Variants in IQCK observed in about 807,000 individuals in gnomAD.
IQCK encodes IQ motif containing K.
A neutral mutation model predicts 28.1 loss-of-function variants in IQCK; 29 were observed. The observed-to-expected ratio is 1.03, with a 90% CI of 0.77 to 1.41. The LOEUF (loss-of-function observed/expected upper bound fraction) is 1.41. Among genes scored for constraint, IQCK ranks in the 40% most tolerant of loss-of-function variants. IQCK has a pLI of 0.00. For missense variants in IQCK, 359 were observed against 314.7 expected, an observed-to-expected ratio of 1.14 and a Z score of -1.07; for synonymous variants, 113 against 115.1, an observed-to-expected ratio of 0.98 and a Z score of 0.12.
intron 7 of IQCK, among the ~76,000 whole-genome samples, chr16:19,818,026 T>G (rs2056012598): frequency 6.6e-6 from 1 of 151,986 alleles, no homozygotes; most frequent in Non-Finnish European, 1.5e-5. Flanking sequence ...GTATGGGTAT[T>G]CTTGTGTGCT....
chr16:19,723,378 A>G (rs994033694), intron 1 of IQCK, among the ~76,000 whole-genome samples: 2 of 152,166 alleles, frequency 1.3e-5, no homozygotes, highest in Non-Finnish European at 2.9e-5. Context: ...TTCACAACAT[A>G]CCATTCACCC....
intron 4 of IQCK, among the ~76,000 whole-genome samples, chr16:19,757,163 C>T (rs2055064076): frequency 6.6e-6 from 1 of 152,218 alleles, no homozygotes; most frequent in Admixed American, 6.5e-5. Context: ...TCAACCAACA[C>T]AGTGCCGTAG....
intron 9 of IQCK, among the ~76,000 whole-genome samples, chr16:19,851,274 C>T (rs774613469): frequency 1.3e-4 from 20 of 152,164 alleles, no homozygotes; most frequent in Admixed American, 2.6e-4. Flanking sequence ...ACCCACAGCA[C>T]TGAGGGGGAG....
At chr16:19,733,946 GTTC>G (rs1347328104) in intron 3 of IQCK, 119 bp downstream of exon 3, 4 of 899,642 alleles carry the variant, frequency 4.4e-6, no homozygotes, top group Non-Finnish European at 6.6e-6. Context: ...GAAAGAATGT[GTTC>G]TTGTTTTATT....
chr16:19,764,104 A>G, exon 6 of IQCK: 4 of 1,610,970 alleles, frequency 2.5e-6, no homozygotes, highest in East Asian at 2.2e-5. Flanking sequence ...AGGAGCGGCT[A>G]AAGCAACAGT....
intron 4 of IQCK, among the ~76,000 whole-genome samples, chr16:19,737,229 T>C (rs111436844): frequency 1.3e-4 from 20 of 152,182 alleles, no homozygotes; most frequent in African/African-American, 4.8e-4. Context: ...GGTTGACACA[T>C]CCTAGGGTCT....
chr16:19,793,023 A>G (rs1416839909), intron 7 of IQCK, among the ~76,000 whole-genome samples: 1 of 100,234 alleles, frequency 1.0e-5, no homozygotes, highest in Non-Finnish European at 1.7e-5. Context: ...CAAACTGGGA[A>G]TAGAAGGGGA....
chr16:19,816,505 C>G (rs2055990880), intron 7 of IQCK, among the ~76,000 whole-genome samples: 1 of 152,202 alleles, frequency 6.6e-6, no homozygotes, highest in Non-Finnish European at 1.5e-5. Flanking sequence ...TGGTCTCAAA[C>G]TCCTGACCTC....
intron 9 of IQCK, among the ~76,000 whole-genome samples, chr16:19,841,604 T>C (rs1049746089): frequency 1.3e-5 from 2 of 152,190 alleles, no homozygotes; most frequent in African/African-American, 4.8e-5. Flanking sequence ...AGAGACAAGT[T>C]TATTTGTGTT....
At chr16:19,827,778 C>G (rs1179699660), downstream of IQCK, among the ~76,000 whole-genome samples, 1 of 152,146 alleles carries the variant, frequency 6.6e-6, no homozygotes, top group Non-Finnish European at 1.5e-5. Context: ...ATCTTCTGCC[C>G]TTGGTGCTCC....
At chr16:19,730,438 G>A in exon 2 of IQCK, 1 of 1,608,066 alleles carries the variant, frequency 6.2e-7, no homozygotes, top group Non-Finnish European at 8.5e-7. Context: ...AGAGTATGAA[G>A]CTGAGCAGCC....
intron 6 of IQCK, among the ~76,000 whole-genome samples, chr16:19,768,589 T>C (rs1186817522): frequency 6.6e-6 from 1 of 151,954 alleles, no homozygotes; most frequent in African/African-American, 2.4e-5. Flanking sequence ...CTACTAAAAA[T>C]ACAAAAATTA....
chr16:19,813,533 T>A (rs1403579563), intron 7 of IQCK, among the ~76,000 whole-genome samples: 2 of 152,164 alleles, frequency 1.3e-5, no homozygotes, highest in African/African-American at 4.8e-5. Flanking sequence ...CCAGACAAAA[T>A]AATATTCAAC....
At chr16:19,765,146 C>G (rs1174617714) in intron 6 of IQCK, among the ~76,000 whole-genome samples, 1 of 147,268 alleles carries the variant, frequency 6.8e-6, no homozygotes, top group Non-Finnish European at 1.5e-5. Flanking sequence ...GGCGTGAACC[C>G]TGGAGGCGGA....
chr16:19,826,044 G>T (rs1270055251), intron 7 of IQCK, among the ~76,000 whole-genome samples: 1 of 152,080 alleles, frequency 6.6e-6, no homozygotes, highest in African/African-American at 2.4e-5. Context: ...TTTGAGACAG[G>T]ATCTCAGGCT....
At chr16:19,727,350 G>T (rs1176807888) in intron 1 of IQCK, among the ~76,000 whole-genome samples, 1 of 152,034 alleles carries the variant, frequency 6.6e-6, no homozygotes, top group Admixed American at 6.6e-5. Flanking sequence ...CCACTGGAAG[G>T]CCAAGGCGGG....
At chr16:19,727,001 G>T (rs997058409) in intron 1 of IQCK, among the ~76,000 whole-genome samples, 2 of 151,892 alleles carry the variant, frequency 1.3e-5, no homozygotes, top group African/African-American at 4.8e-5. Context: ...CATGATGATG[G>T]GTGCCTGTAA....
At position 19,798,291 on chromosome 16, in the gene IQCK, G is replaced by A. The variant is rs193114081; in HGVS notation, c.690+9369G>A. 3.1e-3 allele frequency among the ~76,000 whole-genome samples: 313 copies of A among 101,580 alleles called. 20 individuals carry two copies. The highest frequency in any genetic ancestry group is 0.021 in the Admixed American group (241 of 11,390). The allele number at this position is 101,580 out of a possible 152,430, so 66.6% of individuals were successfully genotyped here. On this transcript the variant is annotated intron_variant, in intron 7 of 7. Transcript: ENST00000564186. ...AAATTAGCTGGGCATGGTGGCGGGT[G>A]CCTGTAATCCCAGCTACTTGGGAGG... is the stretch of plus-strand genomic sequence containing the variant.
intron 1 of IQCK, among the ~76,000 whole-genome samples, chr16:19,723,237 T>G (rs1319301036): frequency 6.6e-6 from 1 of 152,086 alleles, no homozygotes; most frequent in Non-Finnish European, 1.5e-5. Flanking sequence ...CTGGCTGTCG[T>G]AGGAACCTCT....
Sources: allele counts gnomAD v4.1 joint callset (sites outside exome capture counted in the v4.1 genomes callset), GRCh38; gene constraint gnomAD v4.1.1; transcripts MANE v1.5; gene names NCBI Gene and HGNC (gene_info 2026-07-23, HGNC 2026-07-21).